The following GARRE1 variants were observed in gnomAD, a reference collection of about 807,000 sequenced individuals.
The protein encoded by GARRE1 is granule associated Rac and RHOG effector 1.
Under a neutral mutation model 103.2 loss-of-function variants are expected in GARRE1, and 49 were observed. The ratio of observed to expected loss-of-function variants is 0.47; its 90% CI spans 0.38 to 0.60. The LOEUF (loss-of-function observed/expected upper bound fraction) is 0.60, where lower values mean the gene tolerates loss of function less well. Among genes scored for constraint, GARRE1 ranks in the 20% least tolerant of loss-of-function variants. The probability of loss-of-function intolerance (pLI) is 0.00; values close to 1 mark genes in which losing one functional copy is unlikely to be tolerated. For synonymous variants in GARRE1, 505 were observed against 532.8 expected (o/e 0.95, Z 0.72); for missense variants, 1,199 against 1,370.5 (o/e 0.87, Z 1.98).
At chr19:34,315,946 C>T (rs750721376) in intron 2 of GARRE1, among the ~76,000 whole-genome samples, 1 of 152,166 alleles carries the variant, frequency 6.6e-6, no homozygotes, top group African/African-American at 2.4e-5. Context: ...AAAACAGGCT[C>T]TCATTCAGTA....
intron 1 of GARRE1, among the ~76,000 whole-genome samples, chr19:34,286,421 G>A (rs984598843): frequency 7.9e-5 from 12 of 151,924 alleles, no homozygotes; most frequent in Non-Finnish European, 1.3e-4. Flanking sequence ...GGGTTTCACC[G>A]TGTTAGCCAG....
chr19:34,300,669 G>A lies in GARRE1; in HGVS notation c.196G>A (p.Ala66Thr), dbSNP rs372162457. The change falls in exon 2 of 14, where the codon GCC becomes ACC. Residue 66 changes from alanine (A) to threonine (T), a missense_variant. By Grantham distance (58) the Ala-to-Thr change is moderately conservative (BLOSUM62 0). Transcript: ENST00000299505. ...SLTAAGSCHH[A>T]MPHTTPIADI... is the part of the protein sequence containing the mutation. ...GACCGCTGCAGGCAGCTGCCACCAT[G>A]CCATGCCCCACACTACTCCTATCGC... The A allele has an allele frequency of 4.6e-5, 74 of 1,613,812 alleles. No individual in the cohort carries two copies. Among genetic ancestry groups the A allele is most frequent in the Admixed American group, 6.7e-5 (4 of 60,008 alleles).
intron 3 of GARRE1, among the ~76,000 whole-genome samples, chr19:34,322,810 A>C (rs2074095362): frequency 6.6e-6 from 1 of 150,560 alleles, no homozygotes; most frequent in Non-Finnish European, 1.5e-5. Context: ...ATGGTCTCAA[A>C]CTCCTGACCT....
intron 3 of GARRE1, among the ~76,000 whole-genome samples, chr19:34,325,644 C>T (rs113347095): frequency 3.9e-5 from 6 of 152,268 alleles, no homozygotes; most frequent in African/African-American, 7.2e-5. Context: ...CTGTCTTGCT[C>T]GCCTTCATTT....
Position 34,277,689 on chromosome 19 carries a change from AT to A in GARRE1, c.-795-21989del, listed in dbSNP as rs747936635. 2.6e-5 allele frequency among the ~76,000 whole-genome samples: 4 copies of A among 152,314 alleles called. No homozygotes were observed. In the East Asian group the frequency reaches 7.7e-4, roughly 29 times the overall value. ...AGGTGTTATGCCTGATTCCTTCATC[AT>A]AAACTTCTCCATCAAGTTTCACCAA... is the stretch of plus-strand genomic sequence containing the variant. On this transcript the variant is annotated intron_variant, in intron 1 of 13. Coordinates refer to ENST00000299505, the MANE Select transcript of GARRE1 (RefSeq NM_014686.5).
intron 1 of GARRE1, among the ~76,000 whole-genome samples, chr19:34,268,677 G>A (rs2073767306): frequency 6.6e-6 from 1 of 151,476 alleles, no homozygotes; most frequent in Non-Finnish European, 1.5e-5. Context: ...GTATGAAATT[G>A]AGGCCAGGTA....
chr19:34,313,795 G>A (rs920382292), intron 2 of GARRE1, among the ~76,000 whole-genome samples: 1 of 151,916 alleles, frequency 6.6e-6, no homozygotes, highest in African/African-American at 2.4e-5. Context: ...GAGAAAACTT[G>A]CATTTTGTTT....
At position 34,327,538 on chromosome 19, in the gene GARRE1, A is replaced by G; in HGVS notation, c.823A>G (p.Ile275Val). The change falls in exon 4 of 14, where the codon ATA becomes GTA. Residue 275 changes from isoleucine to valine, a missense_variant. Physicochemically the swap from Ile to Val is conservative, Grantham distance 29. Transcript: ENST00000299505. ...TGAGCACCAGCTAAAAGAACTGAAC[A>G]TAAAAATCGACAGTGCTTTGCAAGT... is the stretch of plus-strand genomic sequence containing the variant. ...IPEHQLKELN[I>V]KIDSALQAYK... The G allele has an allele frequency of 6.2e-7, 1 of 1,614,044 alleles. No individual in the cohort carries two copies. Among genetic ancestry groups the G allele is most frequent in the Non-Finnish European group, 8.5e-7 (1 of 1,179,994 alleles).
chr19:34,316,138 GTTTC>G (rs1454079773), intron 2 of GARRE1, among the ~76,000 whole-genome samples: 1 of 152,146 alleles, frequency 6.6e-6, no homozygotes, highest in Non-Finnish European at 1.5e-5. Flanking sequence ...CATTGAGCAA[GTTTC>G]TTTATCTCTG....
At chr19:34,255,673 CT>C (rs11307030) in intron 1 of GARRE1, among the ~76,000 whole-genome samples, 109,702 of 143,540 alleles carry the variant, frequency 0.76, 42,202 homozygotes, top group African/African-American at 0.81. Flanking sequence ...TTGATATGGT[CT>C]TTTTTTTTTT....
At position 34,327,558 on chromosome 19, in the gene GARRE1, G is replaced by A. The variant is rs749594706; in HGVS notation, c.843G>A (p.Leu281=). 13 of 1,613,558 alleles carry A rather than the reference G, an allele frequency of 8.1e-6. No individual in the cohort carries two copies. In the East Asian group the frequency reaches 2.9e-4, roughly 36 times the overall value. Residue 281 remains leucine (L), a synonymous_variant, in exon 4 of 14, where the codon TTG becomes TTA. Coordinates refer to ENST00000299505, the MANE Select transcript of GARRE1 (RefSeq NM_014686.5). Reference sequence around the variant, plus strand: ...TGAACATAAAAATCGACAGTGCTTTGCAAGTAAGTTTTTCAGAACTGACAT... The same window carrying A: ...TGAACATAAAAATCGACAGTGCTTTACAAGTAAGTTTTTCAGAACTGACAT... The part of the protein sequence containing the change: ...KELNIKIDSA[L]QAYKIALESL...
At chr19:34,315,864 A>T (rs1000295430) in intron 2 of GARRE1, among the ~76,000 whole-genome samples, 1 of 152,216 alleles carries the variant, frequency 6.6e-6, no homozygotes, top group African/African-American at 2.4e-5. Context: ...CCTTAGCAGC[A>T]GATGTTGTGT....
chr19:34,257,636 C>T (rs1026209652), intron 1 of GARRE1, among the ~76,000 whole-genome samples: 14 of 152,288 alleles, frequency 9.2e-5, no homozygotes, highest in African/African-American at 3.4e-4. Context: ...GCCGTTTTCT[C>T]TGAAGTGTAA....
chr19:34,254,648 C>A (rs1375384640), intron 1 of GARRE1, 34 bp downstream of exon 1: 3 of 98,534 alleles, frequency 3.0e-5, no homozygotes, highest in Non-Finnish European at 6.5e-5. Flanking sequence ...CAGGCGGGGG[C>A]TGGCGGGCGG....
chr19:34,306,959 C>T (rs772288556), intron 2 of GARRE1, among the ~76,000 whole-genome samples: 3 of 151,824 alleles, frequency 2.0e-5, no homozygotes, highest in Non-Finnish European at 4.4e-5. Context: ...AGGTGACATT[C>T]GAGTAAAGGC....
At chr19:34,278,873 T>C (rs2073834117) in intron 1 of GARRE1, among the ~76,000 whole-genome samples, 2 of 152,166 alleles carry the variant, frequency 1.3e-5, no homozygotes, top group African/African-American at 4.8e-5. Context: ...GGTCTCGCCA[T>C]GTTGCCCAGG....
intron 2 of GARRE1, among the ~76,000 whole-genome samples, chr19:34,304,354 C>T (rs950093132): frequency 6.0e-5 from 9 of 151,212 alleles, no homozygotes; most frequent in African/African-American, 1.7e-4. Context: ...CGTGGGCCAC[C>T]GTGCTCGGCC....
At chr19:34,321,926 A>G (rs2074090925) in intron 3 of GARRE1, among the ~76,000 whole-genome samples, 1 of 152,168 alleles carries the variant, frequency 6.6e-6, no homozygotes, top group Non-Finnish European at 1.5e-5. Flanking sequence ...TGGCATGGTC[A>G]TCAGGGATAA....
At chr19:34,314,979 CA>C (rs2074053570) in intron 2 of GARRE1, among the ~76,000 whole-genome samples, 1 of 152,148 alleles carries the variant, frequency 6.6e-6, no homozygotes, top group African/African-American at 2.4e-5. Flanking sequence ...AGGTTGAGGA[CA>C]CTAGGAACCT....
Sources: allele counts gnomAD v4.1 joint callset (sites outside exome capture counted in the v4.1 genomes callset), GRCh38; gene constraint gnomAD v4.1.1; transcripts MANE v1.5; gene names NCBI Gene and HGNC (gene_info 2026-07-23, HGNC 2026-07-21).